The following LAP3 variants were observed in gnomAD, a reference collection of about 807,000 sequenced individuals.
The protein encoded by LAP3 is leucine aminopeptidase 3.
Under a neutral mutation model 58.8 loss-of-function variants are expected in LAP3, and 46 were observed. The observed-to-expected ratio is 0.78, with a 90% CI of 0.62 to 1.00. LAP3 has a LOEUF of 1.00. LAP3 is among the 50% of genes least tolerant of loss of function. The probability of loss-of-function intolerance (pLI) is 0.00; values close to 1 mark genes in which losing one functional copy is unlikely to be tolerated. For missense variants in LAP3, 615 were observed against 659.1 expected, an observed-to-expected ratio of 0.93 and a Z score of 0.73; for synonymous variants, 257 against 237.7, an observed-to-expected ratio of 1.08 and a Z score of -0.75.
intron 1 of LAP3, among the ~76,000 whole-genome samples, chr4:17,579,297 T>C (rs1713288897): frequency 1.3e-5 from 2 of 152,220 alleles, no homozygotes; most frequent in Admixed American, 1.3e-4. Context: ...TTCCAGTTTC[T>C]GGTGATAAGA....
chr4:17,597,019 T>C, intron 8 of LAP3, 27 bp from the exon 9 acceptor site: 1 of 1,606,318 alleles, frequency 6.2e-7, no homozygotes, highest in Non-Finnish European at 8.5e-7. Flanking sequence ...GTATATACTG[T>C]GTGCCTTCAT....
intron 7 of LAP3, among the ~76,000 whole-genome samples, chr4:17,589,497 A>AC (rs1218480395): frequency 6.6e-6 from 1 of 152,136 alleles, no homozygotes; most frequent in African/African-American, 2.4e-5. Flanking sequence ...CCCTAACCAT[A>AC]CCCCTGTGGG....
chr4:17,607,099 C>T (rs1006464866), intron 12 of LAP3, among the ~76,000 whole-genome samples, 161 bp downstream of exon 12: 1 of 152,134 alleles, frequency 6.6e-6, no homozygotes, highest in African/African-American at 2.4e-5. Flanking sequence ...AGTATTTCTT[C>T]AACCAGATTT....
chr4:17,588,389 C>G (rs1713586707), intron 6 of LAP3, among the ~76,000 whole-genome samples: 1 of 152,176 alleles, frequency 6.6e-6, no homozygotes, highest in African/African-American at 2.4e-5. Flanking sequence ...AAGCAATTCT[C>G]TCACCTCAGC....
chr4:17,605,936 A>G (rs1443524352), intron 11 of LAP3, among the ~76,000 whole-genome samples: 4 of 152,212 alleles, frequency 2.6e-5, no homozygotes, highest in Non-Finnish European at 5.9e-5. Context: ...TCTTAAAATA[A>G]CAGCTTATAT....
At chr4:17,603,821 TTTTTC>T (rs1453911034) in intron 10 of LAP3, among the ~76,000 whole-genome samples, 1,307 of 87,436 alleles carry the variant, frequency 0.015, 25 homozygotes, top group African/African-American at 0.043. Context: ...GCCTTTTTTT[TTTTTC>T]TTTCTTTCTT....
At chr4:17,605,414 A>ATGTTGCC (rs1491573696) in intron 11 of LAP3, among the ~76,000 whole-genome samples, 1 of 152,048 alleles carries the variant, frequency 6.6e-6, no homozygotes. Context: ...CAGCCAACAC[A>ATGTTGCC]TGTTGCCTGA....
At chr4:17,586,977 G>A (rs531653518) in intron 6 of LAP3, among the ~76,000 whole-genome samples, 2 of 152,240 alleles carry the variant, frequency 1.3e-5, no homozygotes, top group African/African-American at 4.8e-5. Context: ...GTGGTGGTGC[G>A]TGCCTGTGAT....
intron 10 of LAP3, among the ~76,000 whole-genome samples, chr4:17,603,358 A>C (rs1194627928): frequency 6.6e-6 from 1 of 152,032 alleles, no homozygotes; most frequent in Non-Finnish European, 1.5e-5. Flanking sequence ...CTTGTTTTTT[A>C]TGAAAATTTA....
Position 17,606,912 on chromosome 4 carries a change from T to A in LAP3, c.1344T>A (p.Ala448=), listed in dbSNP as rs748696217. ...GACAGGTTGTAGATTGCCAGCTTGCTGATGTTAACAACATTGGAAAATACA... is the reference window on the plus strand; with the variant it reads ...GACAGGTTGTAGATTGCCAGCTTGCAGATGTTAACAACATTGGAAAATACA... ...YTRQVVDCQL[A]DVNNIGKYRS... The change falls in exon 12 of 13, where the codon GCT becomes GCA. Residue 448 remains alanine (A), a synonymous_variant. Transcript: ENST00000226299. 1.3e-5 allele frequency: 21 copies of A among 1,612,218 alleles called. 1 individual carries two copies. Among genetic ancestry groups the A allele is most frequent in the Non-Finnish European group, 1.8e-5 (21 of 1,178,844 alleles).
At chr4:17,604,235 C>T (rs2109024525) in intron 10 of LAP3, among the ~76,000 whole-genome samples, 1 of 142,568 alleles carries the variant, frequency 7.0e-6, no homozygotes, top group East Asian at 2.1e-4. Context: ...CTGATCATAC[C>T]ACTACACTGC....
At chr4:17,600,232 A>G (rs1217511144) in intron 10 of LAP3, among the ~76,000 whole-genome samples, 1 of 152,128 alleles carries the variant, frequency 6.6e-6, no homozygotes, top group African/African-American at 2.4e-5. Flanking sequence ...TGCCCTGGTC[A>G]TGTTGAGCCT....
At chr4:17,593,179 A>G (rs891442055) in intron 7 of LAP3, among the ~76,000 whole-genome samples, 16 of 152,186 alleles carry the variant, frequency 1.1e-4, no homozygotes, top group African/African-American at 3.4e-4. Flanking sequence ...GCCCCTTTTT[A>G]TAGGAGTGTT....
intron 8 of LAP3, among the ~76,000 whole-genome samples, chr4:17,596,323 A>G: frequency 6.6e-6 from 1 of 152,086 alleles, no homozygotes; most frequent in East Asian, 1.9e-4. Context: ...TTATTTATTT[A>G]TATTTAGGTT....
chr4:17,588,880 G>C lies in LAP3; in HGVS notation c.766G>C (p.Asp256His). ...ATTCCTCAGTGTGGCCAAAGGATCT[G>C]ACGAGCCCCCAGTCTTCTTGGAAAT... Reference protein sequence around the residue: ...GSFLSVAKGSDEPPVFLEIHY... With the variant: ...GSFLSVAKGSHEPPVFLEIHY... The change falls in exon 7 of 13, where the codon GAC (aspartate) becomes CAC (histidine). Residue 256 changes from aspartate to histidine, a missense_variant. By Grantham distance (81) the Asp-to-His change is moderately conservative (BLOSUM62 -1). Coordinates refer to ENST00000226299, the MANE Select transcript of LAP3 (RefSeq NM_015907.3). The C allele has an allele frequency of 3.1e-6, 5 of 1,614,100 alleles. No homozygotes were observed. The highest frequency in any genetic ancestry group is 4.2e-6 in the Non-Finnish European group (5 of 1,180,030).
chr4:17,602,303 C>T (rs919356091), intron 10 of LAP3, among the ~76,000 whole-genome samples: 5 of 152,130 alleles, frequency 3.3e-5, no homozygotes, highest in Admixed American at 2.0e-4. Flanking sequence ...CTTGACTCAG[C>T]GCTTACAGAT....
rs1577223821 is a variant in LAP3, at chr4:17,596,941, G to A, written c.989-105G>A. The A allele has an allele frequency of 1.6e-5, 14 of 889,406 alleles. No individual in the cohort carries two copies. In the East Asian group the frequency reaches 3.6e-4, roughly 23 times the overall value. 55.1% of individuals were successfully genotyped at this position (889,406 alleles called of 1,614,324 possible). A position where few individuals can be genotyped will look rare whatever the true frequency, so the allele number is the denominator to read the frequency against. On this transcript the variant is annotated intron_variant, in intron 8 of 12. Coordinates refer to ENST00000226299, the MANE Select transcript of LAP3 (RefSeq NM_015907.3). ...TAAATTTGATCAGTTCGTTAAGGTG[G>A]CCTTTGTGTCTTGCTTCTCATGGCT...
At chr4:17,579,152 T>TG (rs1363081744) in intron 1 of LAP3, among the ~76,000 whole-genome samples, 8 of 152,030 alleles carry the variant, frequency 5.3e-5, no homozygotes, top group African/African-American at 1.2e-4. Context: ...CAATGCATTG[T>TG]GGGGGTGTGA....
At chr4:17,579,110 C>T (rs1453379217) in intron 1 of LAP3, among the ~76,000 whole-genome samples, 1 of 152,102 alleles carries the variant, frequency 6.6e-6, no homozygotes, top group Non-Finnish European at 1.5e-5. Flanking sequence ...AGCGTTGGGC[C>T]CAAAAGCTTG....
Sources: gnomAD v4.1 joint callset for allele counts (sites outside exome capture counted in the v4.1 genomes callset) on GRCh38, gnomAD v4.1.1 for gene constraint, MANE v1.5 for transcripts, NCBI Gene and HGNC (gene_info 2026-07-23, HGNC 2026-07-21) for gene names.